The following DAB1 variants were observed in gnomAD, a reference collection of about 807,000 sequenced individuals.
The protein encoded by DAB1 is disabled homolog 1.
DAB1 carries 15 observed loss-of-function variants against 64.6 expected under a neutral mutation model. The ratio of observed to expected loss-of-function variants is 0.23; its 90% CI spans 0.16 to 0.36. DAB1 has a LOEUF of 0.36. Ranked by LOEUF, DAB1 falls within the 10% of genes least tolerant of loss-of-function variation. The probability of loss-of-function intolerance (pLI) is 1.00; values close to 1 mark genes in which losing one functional copy is unlikely to be tolerated. For synonymous variants in DAB1, 235 were observed against 251.9 expected (o/e 0.93, Z 0.64); for missense variants, 596 against 706.7 (o/e 0.84, Z 1.78).
intron 5 of DAB1, among the ~76,000 whole-genome samples, chr1:58,026,622 A>G (rs966370934): frequency 6.6e-6 from 1 of 152,214 alleles, no homozygotes; most frequent in Non-Finnish European, 1.5e-5. Flanking sequence ...GGTGCAAAGA[A>G]AAGTGGAAGA....
At chr1:57,819,250 G>A (rs1478657920) in intron 6 of DAB1, among the ~76,000 whole-genome samples, 1 of 152,212 alleles carries the variant, frequency 6.6e-6, no homozygotes, top group African/African-American at 2.4e-5. Flanking sequence ...CCTTTGCTTT[G>A]TTCGTGTTAA....
At chr1:57,126,180 A>G (rs960635194) in intron 4 of DAB1, among the ~76,000 whole-genome samples, 10 of 152,098 alleles carry the variant, frequency 6.6e-5, no homozygotes, top group African/African-American at 2.4e-4. Flanking sequence ...CCAAGAAAAA[A>G]GTAGTGACTG....
rs936462348 is a variant in DAB1, at chr1:58,478,348, G to A, written n.257+27712C>T. ...TTTTCTTTATAAATTACCTAGTCTC[G>A]GGTATGTCTTTATAGCAGTGTGAAA... On this transcript the variant is annotated intron_variant and non_coding_transcript_variant, in intron 3 of 20. Transcript: ENST00000485760. 2.5e-4 allele frequency among the ~76,000 whole-genome samples: 38 copies of A among 152,204 alleles called. No homozygotes were observed. In the South Asian group the frequency reaches 3.5e-3, roughly 14 times the overall value.
chr1:57,986,168 G>C (rs959645978), intron 5 of DAB1, among the ~76,000 whole-genome samples: 7 of 152,088 alleles, frequency 4.6e-5, no homozygotes, highest in African/African-American at 1.7e-4. Flanking sequence ...GGAGGAGAAG[G>C]AATCACCTAG....
chr1:57,807,653 G>C (rs12081493), intron 6 of DAB1, among the ~76,000 whole-genome samples: 2,873 of 151,556 alleles, frequency 0.019, 89 homozygotes, highest in African/African-American at 0.062. Flanking sequence ...CAAATTGTGT[G>C]GATCCACTTA....
intron 7 of DAB1, among the ~76,000 whole-genome samples, chr1:57,619,697 T>C (rs1179923491): frequency 6.6e-6 from 1 of 152,150 alleles, no homozygotes; most frequent in African/African-American, 2.4e-5. Context: ...TCAGGGCCCC[T>C]ATTTTATAGA....
intron 6 of DAB1, among the ~76,000 whole-genome samples, chr1:57,745,844 T>A (rs528045899): frequency 6.6e-6 from 1 of 152,306 alleles, no homozygotes; most frequent in Non-Finnish European, 1.5e-5. Context: ...ACTACTTTCA[T>A]GAATTAAGTG....
chr1:58,277,549 G>T (rs941833428), intron 4 of DAB1, among the ~76,000 whole-genome samples: 3 of 152,154 alleles, frequency 2.0e-5, no homozygotes, highest in Admixed American at 1.3e-4. Context: ...GTCATGCTCG[G>T]ATCCACTTGA....
intron 6 of DAB1, among the ~76,000 whole-genome samples, chr1:57,789,351 A>C (rs1650486614): frequency 6.6e-6 from 1 of 152,158 alleles, no homozygotes; most frequent in African/African-American, 2.4e-5. Context: ...TATGGCCCCA[A>C]ATCAGCCTGT....
chr1:57,603,096 C>T (rs567741613), intron 7 of DAB1, among the ~76,000 whole-genome samples: 4 of 152,226 alleles, frequency 2.6e-5, no homozygotes, highest in East Asian at 3.9e-4. Flanking sequence ...CCTCAGCCTA[C>T]GGGGCAGCTA....
chr1:58,070,267 C>T (rs1056554358), intron 5 of DAB1, among the ~76,000 whole-genome samples: 1 of 152,060 alleles, frequency 6.6e-6, no homozygotes, highest in African/African-American at 2.4e-5. Flanking sequence ...ATGATCAATC[C>T]CAAATATTGG....
intron 7 of DAB1, among the ~76,000 whole-genome samples, chr1:57,477,251 A>T (rs1363128210): frequency 6.6e-6 from 1 of 152,184 alleles, no homozygotes; most frequent in Non-Finnish European, 1.5e-5. Context: ...TATACTTTGC[A>T]TCACAATTTG....
chr1:58,145,387 T>G (rs545920769), intron 5 of DAB1, among the ~76,000 whole-genome samples: 1 of 152,332 alleles, frequency 6.6e-6, no homozygotes, highest in Admixed American at 6.5e-5. Flanking sequence ...CTGTCTCGGT[T>G]TCTTTTCTGT....
At chr1:57,666,040 T>C (rs1460645915) in intron 6 of DAB1, among the ~76,000 whole-genome samples, 2 of 152,060 alleles carry the variant, frequency 1.3e-5, no homozygotes, top group Non-Finnish European at 2.9e-5. Context: ...AACATAGAGA[T>C]AGCTAAAGGA....
At chr1:57,411,675 T>A (rs1684125391) in intron 1 of DAB1, among the ~76,000 whole-genome samples, 2 of 152,184 alleles carry the variant, frequency 1.3e-5, no homozygotes, top group Admixed American at 6.5e-5. Flanking sequence ...CCCTGGTCGA[T>A]CACCCTCTCA....
At chr1:57,823,494 T>C (rs1652214136), downstream of DAB1, among the ~76,000 whole-genome samples, 1 of 151,944 alleles carries the variant, frequency 6.6e-6, no homozygotes, top group Admixed American at 6.6e-5. Flanking sequence ...CGAAGCAGGT[T>C]ATGCATCTGT....
intron 2 of DAB1, among the ~76,000 whole-genome samples, chr1:57,204,476 T>C (rs1256778011): frequency 6.7e-6 from 1 of 149,876 alleles, no homozygotes; most frequent in Non-Finnish European, 1.5e-5. Flanking sequence ...AAAAAGGACT[T>C]GTATAGATAA....
upstream of DAB1, among the ~76,000 whole-genome samples, chr1:57,888,982 T>C (rs1245052699): frequency 6.6e-6 from 1 of 152,184 alleles, no homozygotes; most frequent in Non-Finnish European, 1.5e-5. Context: ...TTGGTGTCAT[T>C]GATGGCAAGG....
intron 1 of DAB1, among the ~76,000 whole-genome samples, chr1:57,397,416 G>A (rs1237401878): frequency 1.3e-5 from 2 of 152,138 alleles, no homozygotes; most frequent in African/African-American, 2.4e-5. Flanking sequence ...TTTTTTGAGA[G>A]ATTATCTATT....
Sources: gnomAD v4.1 joint callset for allele counts (sites outside exome capture counted in the v4.1 genomes callset) on GRCh38, gnomAD v4.1.1 for gene constraint, MANE v1.5 for transcripts, NCBI Gene and HGNC (gene_info 2026-07-23, HGNC 2026-07-21) for gene names.